Variants in GTF2E2 observed in about 807,000 individuals in gnomAD.
The protein encoded by GTF2E2 is general transcription factor IIE subunit 2.
Under a neutral mutation model 40.5 loss-of-function variants are expected in GTF2E2, and 21 were observed. That is an observed-to-expected ratio of 0.52 (90% confidence interval 0.37 to 0.75). The LOEUF is 0.75. GTF2E2 is among the 30% of genes least tolerant of loss of function. The pLI, the probability that GTF2E2 is intolerant of heterozygous loss-of-function variation, is 0.00. For synonymous variants in GTF2E2, 117 were observed against 121.6 expected (o/e 0.96, Z 0.25); for missense variants, 298 against 338.4 (o/e 0.88, Z 0.94).
At chr8:30,637,711 T>A (rs984406779) in intron 2 of GTF2E2, among the ~76,000 whole-genome samples, 2 of 152,136 alleles carry the variant, frequency 1.3e-5, no homozygotes, top group African/African-American at 4.8e-5. Flanking sequence ...TTAGTAGAGA[T>A]GGGGTTTCAC....
At chr8:30,611,381 G>A (rs552863693) in intron 5 of GTF2E2, among the ~76,000 whole-genome samples, 5 of 152,100 alleles carry the variant, frequency 3.3e-5, no homozygotes, top group Non-Finnish European at 5.9e-5. Context: ...GAGATGACTC[G>A]GCTGTTAGAA....
intron 2 of GTF2E2, among the ~76,000 whole-genome samples, chr8:30,646,355 C>T (rs535527899): frequency 4.9e-4 from 75 of 152,118 alleles, no homozygotes; most frequent in African/African-American, 1.8e-3. Context: ...TGCCCCTCCC[C>T]CCATCCCCCC....
intron 2 of GTF2E2, among the ~76,000 whole-genome samples, chr8:30,636,126 AT>A (rs535488348): frequency 1.0e-3 from 154 of 152,330 alleles, no homozygotes; most frequent in Admixed American, 2.8e-3. Context: ...ATTTTGTTGC[AT>A]TCTTACAAGC....
At chr8:30,648,645 G>A (rs1802177266) in intron 2 of GTF2E2, among the ~76,000 whole-genome samples, 1 of 152,226 alleles carries the variant, frequency 6.6e-6, no homozygotes, top group African/African-American at 2.4e-5. Context: ...TCAGGCCACA[G>A]CACTTAACTG....
intron 6 of GTF2E2, among the ~76,000 whole-genome samples, chr8:30,605,625 AT>A (rs35044873): frequency 0.31 from 46,040 of 147,790 alleles, 7,083 homozygotes; most frequent in South Asian, 0.37. Context: ...TATTTCTTAG[AT>A]TTTTTTTTTT....
intron 6 of GTF2E2, among the ~76,000 whole-genome samples, chr8:30,585,353 C>T (rs756443788): frequency 1.5e-4 from 23 of 152,224 alleles, no homozygotes; most frequent in Admixed American, 1.3e-3. Flanking sequence ...TTTCTGTGTG[C>T]TGGTGTCTTT....
At chr8:30,589,069 T>C (rs1363106924) in intron 6 of GTF2E2, among the ~76,000 whole-genome samples, 1 of 151,744 alleles carries the variant, frequency 6.6e-6, no homozygotes, top group Non-Finnish European at 1.5e-5. Context: ...CTGACCAACA[T>C]GGTGAAACCC....
intron 6 of GTF2E2, among the ~76,000 whole-genome samples, chr8:30,588,357 T>C (rs980871274): frequency 2.0e-5 from 3 of 152,130 alleles, no homozygotes; most frequent in Admixed American, 6.6e-5. Context: ...AACAAAAATA[T>C]AATATATATA....
intron 2 of GTF2E2, chr8:30,645,781 T>C (rs1345442418): frequency 2.1e-5 from 12 of 583,174 alleles, no homozygotes; most frequent in Middle Eastern, 4.6e-4. Flanking sequence ...TCATTAAATA[T>C]ACAGTAAAAC....
intron 3 of GTF2E2, among the ~76,000 whole-genome samples, chr8:30,627,496 AG>A (rs1801322240): frequency 1.4e-5 from 2 of 148,112 alleles, no homozygotes; most frequent in Non-Finnish European, 3.0e-5. Flanking sequence ...TTTTTCAGAG[AG>A]GTACTAGCAG....
intron 3 of GTF2E2, among the ~76,000 whole-genome samples, chr8:30,627,206 T>C (rs1373665403): frequency 6.6e-6 from 1 of 152,196 alleles, no homozygotes; most frequent in Non-Finnish European, 1.5e-5. Flanking sequence ...AACAGCTTGT[T>C]TATCCAGGCT....
Position 30,653,956 on chromosome 8 carries a change from A to C in GTF2E2, c.-4-354T>G, listed in dbSNP as rs549747288. Among the ~76,000 whole-genome samples, 5 of 152,078 alleles carry C rather than the reference A, an allele frequency of 3.3e-5. No homozygotes were observed. In the South Asian group the frequency reaches 1.0e-3, roughly 32 times the overall value. The stretch of plus-strand genomic sequence containing the variant: ...TACAAAAAATCAGGCAGGCATGGTG[A>C]TGTGTGCTTACAGTCCCAGCTACTC... On this transcript the variant is annotated intron_variant, in intron 1 of 7. Coordinates refer to ENST00000355904, the MANE Select transcript of GTF2E2 (RefSeq NM_002095.6).
intron 5 of GTF2E2, among the ~76,000 whole-genome samples, chr8:30,609,610 G>A (rs922664557): frequency 6.6e-6 from 1 of 152,134 alleles, no homozygotes; most frequent in African/African-American, 2.4e-5. Flanking sequence ...AAATCCCAAT[G>A]GCATTTTTTG....
intron 3 of GTF2E2, among the ~76,000 whole-genome samples, chr8:30,631,665 C>T (rs993721392): frequency 6.6e-6 from 1 of 152,168 alleles, no homozygotes; most frequent in Non-Finnish European, 1.5e-5. Context: ...AGCTGTCATA[C>T]TGAGTAGTTT....
intron 3 of GTF2E2, among the ~76,000 whole-genome samples, chr8:30,620,627 T>C (rs947339994): frequency 3.9e-5 from 6 of 152,134 alleles, no homozygotes; most frequent in African/African-American, 4.8e-5. Context: ...AAGAAAATTT[T>C]AATAAGAGTT....
intron 6 of GTF2E2, among the ~76,000 whole-genome samples, chr8:30,590,170 T>A (rs767055235): frequency 1.2e-4 from 18 of 152,308 alleles, no homozygotes; most frequent in Non-Finnish European, 2.6e-4. Context: ...ATCATAAACA[T>A]ATAAATAAAA....
chr8:30,581,900 A>G (rs909935097), intron 6 of GTF2E2, among the ~76,000 whole-genome samples: 5 of 152,220 alleles, frequency 3.3e-5, no homozygotes, highest in African/African-American at 1.2e-4. Context: ...TGTATGAAAC[A>G]CCATCACTGT....
chr8:30,603,184 G>T (rs1256081816), intron 6 of GTF2E2, among the ~76,000 whole-genome samples: 1 of 152,080 alleles, frequency 6.6e-6, no homozygotes, highest in Non-Finnish European at 1.5e-5. Flanking sequence ...TGAATAAACA[G>T]GCTTACGAAT....
intron 6 of GTF2E2, among the ~76,000 whole-genome samples, chr8:30,603,160 C>T (rs1473195495): frequency 6.6e-6 from 1 of 152,076 alleles, no homozygotes; most frequent in East Asian, 1.9e-4. Context: ...AGGAGGAGAC[C>T]ATTAAATATT....
Sources: allele counts gnomAD v4.1 joint callset (sites outside exome capture counted in the v4.1 genomes callset), GRCh38; gene constraint gnomAD v4.1.1; transcripts MANE v1.5; gene names NCBI Gene and HGNC (gene_info 2026-07-23, HGNC 2026-07-21).